EEFSEC: variants seen among roughly 807,000 people sequenced by gnomAD.
The protein encoded by EEFSEC is eukaryotic elongation factor, selenocysteine-tRNA specific.
Under a neutral mutation model 42.1 loss-of-function variants are expected in EEFSEC, and 43 were observed. That is an observed-to-expected ratio of 1.02 (90% CI 0.80 to 1.32). The LOEUF is 1.32. Among genes scored for constraint, EEFSEC ranks in the 40% most tolerant of loss-of-function variants. The pLI, the probability that EEFSEC is intolerant of heterozygous loss-of-function variation, is 0.00. For missense variants in EEFSEC, 745 were observed against 803.6 expected, an observed-to-expected ratio of 0.93 and a Z score of 0.88; for synonymous variants, 354 against 339.1, an observed-to-expected ratio of 1.04 and a Z score of -0.48.
chr3:128,168,236 T>C (rs986455992), intron 1 of EEFSEC, among the ~76,000 whole-genome samples: 1 of 152,142 alleles, frequency 6.6e-6, no homozygotes, highest in Non-Finnish European at 1.5e-5. Flanking sequence ...GAAGAGGCCC[T>C]CCAGAGGCAG....
chr3:128,266,373 A>G (rs2066353863), intron 4 of EEFSEC, among the ~76,000 whole-genome samples: 1 of 152,060 alleles, frequency 6.6e-6, no homozygotes, highest in South Asian at 2.1e-4. Context: ...TGCGTGTGCC[A>G]TCCCTCATCT....
intron 4 of EEFSEC, among the ~76,000 whole-genome samples, chr3:128,320,966 T>C (rs1576635152): frequency 1.3e-5 from 2 of 152,354 alleles, no homozygotes; most frequent in Admixed American, 1.3e-4. Context: ...CCTCTTAGGC[T>C]TGCTGTGAGG....
intron 4 of EEFSEC, among the ~76,000 whole-genome samples, chr3:128,328,771 G>A (rs755874800): frequency 1.4e-4 from 21 of 152,216 alleles, no homozygotes; most frequent in African/African-American, 4.6e-4. Context: ...CCACAGCACC[G>A]TGCCAGGTGA....
rs943830723 is a variant in EEFSEC, at chr3:128,317,395, A to C, written c.787-23838A>C. 1.3e-5 allele frequency among the ~76,000 whole-genome samples: 2 copies of C among 152,202 alleles called. No individual in the cohort carries two copies. Among genetic ancestry groups the C allele is most frequent in the Admixed American group, 6.5e-5 (1 of 15,288 alleles). Reference sequence around the variant, plus strand: ...GCTCACTCTGGCCTTTCCTACCCTCAGCGTGTGCTTGGTGCTGCTGCATGC... The same window carrying C: ...GCTCACTCTGGCCTTTCCTACCCTCCGCGTGTGCTTGGTGCTGCTGCATGC... On this transcript the variant is annotated intron_variant, in intron 4 of 6. Coordinates refer to ENST00000254730, the MANE Select transcript of EEFSEC (RefSeq NM_021937.5). This position sits in a 1 kb window ranked among gnomAD's most constrained non-coding sequence, Gnocchi z 4.1.
intron 6 of EEFSEC, among the ~76,000 whole-genome samples, chr3:128,379,431 T>C (rs1438616709): frequency 2.0e-5 from 3 of 152,182 alleles, no homozygotes; most frequent in African/African-American, 7.2e-5. Context: ...ATGATGAAGA[T>C]AGGCAAGAAA....
chr3:128,158,509 A>G lies in EEFSEC; in HGVS notation c.316+4686A>G, dbSNP rs549102319. On this transcript the variant is annotated intron_variant, in intron 1 of 6. Transcript: ENST00000254730. ...GCCACAGTCACCCCAACCTTCATCA[A>G]CCACCACCCTGATCAGTCGGCAACC... 1.3e-4 allele frequency among the ~76,000 whole-genome samples: 20 copies of G among 152,322 alleles called. No homozygotes were observed. In the East Asian group the frequency reaches 1.9e-3, roughly 15 times the overall value.
the EEFSEC span, among the ~76,000 whole-genome samples, chr3:128,415,024 G>A: frequency 6.6e-6 from 1 of 152,204 alleles, no homozygotes; most frequent in Non-Finnish European, 1.5e-5. Context: ...CTGGGCACAA[G>A]AGATGGGAAC....
At chr3:128,322,416 G>A (rs964289149) in intron 4 of EEFSEC, among the ~76,000 whole-genome samples, 3 of 152,232 alleles carry the variant, frequency 2.0e-5, no homozygotes, top group Non-Finnish European at 2.9e-5. Flanking sequence ...TCATCATCAC[G>A]GTCATCACAA....
intron 4 of EEFSEC, among the ~76,000 whole-genome samples, chr3:128,319,621 C>A (rs1014481498): frequency 2.0e-5 from 3 of 152,160 alleles, no homozygotes; most frequent in African/African-American, 7.2e-5. Flanking sequence ...GGAGACAGGT[C>A]AGAATAATAA....
chr3:128,420,047 C>T, the EEFSEC span, among the ~76,000 whole-genome samples: 3 of 151,970 alleles, frequency 2.0e-5, no homozygotes, highest in East Asian at 3.9e-4. Flanking sequence ...CAGTGAGAGG[C>T]GCAGAGACAT....
intron 2 of EEFSEC, among the ~76,000 whole-genome samples, chr3:128,254,712 C>T (rs1047449473): frequency 6.6e-6 from 1 of 152,030 alleles, no homozygotes; most frequent in Non-Finnish European, 1.5e-5. Flanking sequence ...GGAGCAGATC[C>T]CAGAGGGCCT....
intron 1 of EEFSEC, among the ~76,000 whole-genome samples, chr3:128,211,411 A>C (rs2065754954): frequency 6.6e-6 from 1 of 152,018 alleles, no homozygotes; most frequent in Non-Finnish European, 1.5e-5. Context: ...GAGCCACACC[A>C]CCAAGCTCTA....
intron 6 of EEFSEC, chr3:128,362,276 G>A (rs756273844): frequency 9.8e-6 from 5 of 509,144 alleles, no homozygotes; most frequent in Admixed American, 2.0e-5. Context: ...AGCCCCTCCT[G>A]TTCCCACTTT....
chr3:128,317,563 C>T lies in EEFSEC; in HGVS notation c.787-23670C>T, dbSNP rs560877100. ...TTTCCCCATCAGTCCTCTTTCCACC[C>T]GGGCTACCACTGGAGTCGTTCTGAC... On this transcript the variant is annotated intron_variant, in intron 4 of 6. Coordinates refer to ENST00000254730, the MANE Select transcript of EEFSEC (RefSeq NM_021937.5). This position sits in a 1 kb window ranked among gnomAD's most constrained non-coding sequence, Gnocchi z 4.1. 1.2e-3 allele frequency among the ~76,000 whole-genome samples: 178 copies of T among 152,204 alleles called. No individual in the cohort carries two copies. Among genetic ancestry groups the T allele is most frequent in the Non-Finnish European group, 1.3e-3 (88 of 68,032 alleles).
intron 4 of EEFSEC, among the ~76,000 whole-genome samples, chr3:128,277,966 C>T (rs2066486278): frequency 6.6e-6 from 1 of 152,126 alleles, no homozygotes; most frequent in Non-Finnish European, 1.5e-5. Flanking sequence ...GTTTGAAAAC[C>T]TAAAAGGAAG....
chr3:128,395,104 G>A (rs1559956786), intron 6 of EEFSEC, among the ~76,000 whole-genome samples: 1 of 152,224 alleles, frequency 6.6e-6, no homozygotes, highest in East Asian at 1.9e-4. Context: ...GAGCATCTAT[G>A]ACCCCGGGCA....
chr3:128,408,325 A>G lies in EEFSEC; in HGVS notation c.*66A>G. The G allele has an allele frequency of 6.9e-7, 1 of 1,445,346 alleles. No homozygotes were observed. Among genetic ancestry groups the G allele is most frequent in the Non-Finnish European group, 9.2e-7 (1 of 1,081,218 alleles). 89.5% of individuals were successfully genotyped at this position (1,445,346 alleles called of 1,614,324 possible). Reference sequence around the variant, plus strand: ...GTCCAGGCTGCTGTGCCAAATCCCAACCAGCCACGCCTCAGCCTCTCCCAG... The same window carrying G: ...GTCCAGGCTGCTGTGCCAAATCCCAGCCAGCCACGCCTCAGCCTCTCCCAG... On this transcript the variant is annotated 3_prime_UTR_variant, in exon 7 of 7. Coordinates refer to ENST00000254730, the MANE Select transcript of EEFSEC (RefSeq NM_021937.5).
intron 6 of EEFSEC, among the ~76,000 whole-genome samples, chr3:128,361,527 G>A (rs1411692288): frequency 6.6e-6 from 1 of 152,284 alleles, no homozygotes; most frequent in East Asian, 1.9e-4. Context: ...TCAGGTTCAC[G>A]AGGTGAAGCT....
At chr3:128,292,553 T>C (rs2107987043) in intron 4 of EEFSEC, among the ~76,000 whole-genome samples, 1 of 151,824 alleles carries the variant, frequency 6.6e-6, no homozygotes, top group Non-Finnish European at 1.5e-5. Context: ...GTTGTGTTTC[T>C]ATAAGGAATT....
Sources: allele counts gnomAD v4.1 joint callset (sites outside exome capture counted in the v4.1 genomes callset), GRCh38; gene constraint gnomAD v4.1.1; non-coding constraint Gnocchi (gnomAD v3.1); transcripts MANE v1.5; gene names NCBI Gene and HGNC (gene_info 2026-07-23, HGNC 2026-07-21).